Variants in XKR4 observed in about 807,000 individuals in gnomAD.
XKR4 encodes XK-related protein 4.
Under a neutral mutation model 53.9 loss-of-function variants are expected in XKR4, and 12 were observed. That is an observed-to-expected ratio of 0.22 (90% CI 0.14 to 0.36). The LOEUF (loss-of-function observed/expected upper bound fraction) is 0.36, where lower values mean the gene tolerates loss of function less well. Among genes scored for constraint, XKR4 ranks in the 10% least tolerant of loss-of-function variants. The probability of loss-of-function intolerance (pLI) is 1.00; values close to 1 mark genes in which losing one functional copy is unlikely to be tolerated. For synonymous variants in XKR4, 354 were observed against 362.4 expected, an observed-to-expected ratio of 0.98 and a Z score of 0.26; for missense variants, 799 against 859.5, an observed-to-expected ratio of 0.93 and a Z score of 0.88.
At chr8:55,164,339 C>A in intron 1 of XKR4, 2 of 455,590 alleles carry the variant, frequency 4.4e-6, no homozygotes, top group Non-Finnish European at 8.8e-6. Context: ...GTGAGATGAC[C>A]CCTGAGTAGA....
intron 2 of XKR4, among the ~76,000 whole-genome samples, chr8:55,495,708 G>T (rs1806335796): frequency 6.6e-6 from 1 of 152,204 alleles, no homozygotes; most frequent in African/African-American, 2.4e-5. Context: ...AAGGGAGTGG[G>T]TCCCACCCAG....
At chr8:55,424,407 G>T (rs982048153) in intron 2 of XKR4, among the ~76,000 whole-genome samples, 8 of 152,214 alleles carry the variant, frequency 5.3e-5, no homozygotes, top group Admixed American at 2.6e-4. Flanking sequence ...TTCACGCAAT[G>T]ATTCTATCAG....
intron 1 of XKR4, among the ~76,000 whole-genome samples, chr8:55,291,521 A>G (rs936334918): frequency 4.6e-5 from 7 of 152,122 alleles, no homozygotes; most frequent in African/African-American, 1.2e-4. Flanking sequence ...GTTTATTTAG[A>G]TCTTTGATTT....
intron 1 of XKR4, chr8:55,272,805 C>T: frequency 2.2e-5 from 9 of 400,892 alleles, no homozygotes; most frequent in South Asian, 1.7e-4. Context: ...TTAATTTATT[C>T]TGTCCTTTAA....
chr8:55,447,056 A>G (rs4284027), intron 2 of XKR4, among the ~76,000 whole-genome samples: 43,334 of 122,826 alleles, frequency 0.35, 7,858 homozygotes, highest in African/African-American at 0.61. Context: ...CCTGATTGGG[A>G]AAAAAAAAAA....
At chr8:55,133,128 C>T (rs754303900) in intron 1 of XKR4, among the ~76,000 whole-genome samples, 8 of 152,162 alleles carry the variant, frequency 5.3e-5, no homozygotes, top group Non-Finnish European at 1.0e-4. Flanking sequence ...TTGTTCATTT[C>T]ATTTATCTAA....
chr8:55,262,626 C>G (rs992784135), intron 1 of XKR4, among the ~76,000 whole-genome samples: 4 of 152,182 alleles, frequency 2.6e-5, no homozygotes, highest in African/African-American at 9.7e-5. Flanking sequence ...GCAAGAGAGG[C>G]CTCTCCAGGA....
Position 55,523,759 on chromosome 8 carries a change from G to A in XKR4, c.1485G>A (p.Val495=). ...TTGCCATTCCAGCGCTGTGTGTGGT[G>A]TTCAGCAGCTTTTTAACTGGCGTTG... ...DAFAIPALCV[V]FSSFLTGVVF... is the part of the protein sequence containing the mutation. Residue 495 remains valine, a synonymous_variant, in exon 3 of 3, where the codon GTG becomes GTA. Coordinates refer to ENST00000327381, the MANE Select transcript of XKR4 (RefSeq NM_052898.2). The A allele has an allele frequency of 6.2e-7, 1 of 1,614,136 alleles. No homozygotes were observed. The highest frequency in any genetic ancestry group is 8.5e-7 in the Non-Finnish European group (1 of 1,180,030).
intron 2 of XKR4, among the ~76,000 whole-genome samples, chr8:55,363,390 G>T (rs939798253): frequency 3.3e-5 from 5 of 152,130 alleles, no homozygotes; most frequent in Non-Finnish European, 7.4e-5. Flanking sequence ...GAGCTGGAAG[G>T]GGTTTCTAAT....
rs1291396001 is a variant in XKR4 at position 55,451,679 on chromosome 8, G to C, written c.1007-71602G>C. 5.9e-6 allele frequency: 9 copies of C among 1,532,632 alleles called. No homozygotes were observed. In the Admixed American group the frequency reaches 1.6e-4, roughly 27 times the overall value. 94.9% of individuals were successfully genotyped at this position (1,532,632 alleles called of 1,614,324 possible). A position where few individuals can be genotyped will look rare whatever the true frequency, so the allele number is the denominator to read the frequency against. The stretch of plus-strand genomic sequence containing the variant: ...TGGACACTCTGGGGCACGATCAGCA[G>C]CCCCGGGTACCTGCGGTAGATGGCA... On this transcript the variant is annotated intron_variant, in intron 2 of 2. Coordinates refer to ENST00000327381, the MANE Select transcript of XKR4 (RefSeq NM_052898.2).
rs1246930063 is a variant in XKR4 at position 55,527,610 on chromosome 8, T to A, written c.*3383T>A. The A allele has an allele frequency of 6.6e-6, 1 of 152,214 alleles. No individual in the cohort carries two copies. The highest frequency in any genetic ancestry group is 1.9e-4 in the East Asian group (1 of 5,204). The allele number at this position is 152,214 out of a possible 1,614,324, so 9.4% of individuals were successfully genotyped here. ...AAAGTTTAGTCTCCCAAAATGACTA[T>A]GTCCTTTAAATCCTCTTTGCTTATT... is the stretch of plus-strand genomic sequence containing the variant. On this transcript the variant is annotated 3_prime_UTR_variant, in exon 3 of 3. Transcript: ENST00000327381.
Position 55,524,489 on chromosome 8 carries a change from G to T in XKR4, c.*262G>T. The T allele has an allele frequency of 2.0e-6, 1 of 500,676 alleles. No homozygotes were observed. The highest frequency in any genetic ancestry group is 3.6e-6 in the Non-Finnish European group (1 of 280,650). 31.0% of individuals were successfully genotyped at this position (500,676 alleles called of 1,614,324 possible). ...CATTGCTACCAAACTCCTCCTGCAC[G>T]GTCTTGGGTGCACCCACCAGAGGGT... On this transcript the variant is annotated 3_prime_UTR_variant, in exon 3 of 3. Coordinates refer to ENST00000327381, the MANE Select transcript of XKR4 (RefSeq NM_052898.2).
intron 2 of XKR4, among the ~76,000 whole-genome samples, chr8:55,374,162 A>G (rs1346863763): frequency 6.6e-6 from 1 of 152,236 alleles, no homozygotes; most frequent in Non-Finnish European, 1.5e-5. Context: ...ACCTGAAGGA[A>G]ATCTTCATTA....
At chr8:55,281,868 A>C (rs1159292568) in intron 1 of XKR4, among the ~76,000 whole-genome samples, 1 of 151,478 alleles carries the variant, frequency 6.6e-6, no homozygotes, top group African/African-American at 2.5e-5. Flanking sequence ...TGTATTAACA[A>C]TTCTGAATTG....
At position 55,120,327 on chromosome 8, in the gene XKR4, C is replaced by T. The variant is rs867902373; in HGVS notation, c.806+17033C>T. ...TGTTTTGAGTTTAAGTAGGGCTTAC[C>T]TTTCTTACTTTAAGAAATGAACTTC... On this transcript the variant is annotated intron_variant, in intron 1 of 2. Coordinates refer to ENST00000327381, the MANE Select transcript of XKR4 (RefSeq NM_052898.2). Among the ~76,000 whole-genome samples, 22 of 152,234 alleles carry T rather than the reference C, an allele frequency of 1.4e-4. No homozygotes were observed. In the South Asian group the frequency reaches 1.5e-3, roughly 10 times the overall value.
chr8:55,403,128 T>C (rs751497508), intron 2 of XKR4, among the ~76,000 whole-genome samples: 4 of 152,254 alleles, frequency 2.6e-5, no homozygotes, highest in Non-Finnish European at 4.4e-5. Context: ...ATTTCTATAA[T>C]AGAGTACTTG....
At chr8:55,189,546 T>A (rs889709439) in intron 1 of XKR4, among the ~76,000 whole-genome samples, 1 of 152,236 alleles carries the variant, frequency 6.6e-6, no homozygotes, top group African/African-American at 2.4e-5. Flanking sequence ...TACTGAATAC[T>A]GTAGGCAGTT....
chr8:55,232,868 G>C (rs1299796795), intron 1 of XKR4, among the ~76,000 whole-genome samples: 1 of 152,160 alleles, frequency 6.6e-6, no homozygotes, highest in Non-Finnish European at 1.5e-5. Flanking sequence ...GATTCTTTCT[G>C]CTGTGCATTT....
rs1807096569 is a variant in XKR4 at position 55,541,248 on chromosome 8, C to A, written c.*17021C>A. On this transcript the variant is annotated 3_prime_UTR_variant, in exon 3 of 3. Coordinates refer to ENST00000327381, the MANE Select transcript of XKR4 (RefSeq NM_052898.2). ...TTTGTACATGATATACACCACCCAA[C>A]CTCAGGAGGTTGTACTTAATTTTGT... The A allele has an allele frequency of 6.6e-6, 1 of 152,172 alleles. No homozygotes were observed. 9.4% of individuals were successfully genotyped at this position (152,172 alleles called of 1,614,324 possible). A position where few individuals can be genotyped will look rare whatever the true frequency, so the allele number is the denominator to read the frequency against.
Sources: gnomAD v4.1 joint callset for allele counts (sites outside exome capture counted in the v4.1 genomes callset) on GRCh38, gnomAD v4.1.1 for gene constraint, MANE v1.5 for transcripts, NCBI Gene and HGNC (gene_info 2026-07-23, HGNC 2026-07-21) for gene names.